Variants in KLRG1 observed in about 807,000 individuals in gnomAD.
KLRG1 encodes the protein killer cell lectin like receptor G1, also known as killer cell lectin-like receptor subfamily G member 1.
Under a neutral mutation model 21.8 loss-of-function variants are expected in KLRG1, and 16 were observed. That is an observed-to-expected ratio of 0.73 (90% confidence interval 0.50 to 1.11). The LOEUF (loss-of-function observed/expected upper bound fraction) is 1.11, where lower values mean the gene tolerates loss of function less well. KLRG1 is among the 50% of genes most tolerant of loss of function. The pLI is 0.00. For missense variants in KLRG1, 173 were observed against 218.3 expected, an observed-to-expected ratio of 0.79 and a Z score of 1.31; for synonymous variants, 69 against 75.9, an observed-to-expected ratio of 0.91 and a Z score of 0.47.
the KLRG1 span, among the ~76,000 whole-genome samples, chr12:9,104,869 A>G: frequency 6.6e-6 from 1 of 152,162 alleles, no homozygotes; most frequent in Non-Finnish European, 1.5e-5. Flanking sequence ...TTAACTTCCT[A>G]TAGATTAGTG....
At chr12:8,955,505 C>G (rs1946276962) in intron 1 of KLRG1, among the ~76,000 whole-genome samples, 1 of 126,008 alleles carries the variant, frequency 7.9e-6, no homozygotes, top group South Asian at 2.9e-4. Context: ...ATCCTCCCAG[C>G]TAGCCTGTGG....
the KLRG1 span, among the ~76,000 whole-genome samples, chr12:9,035,175 C>G: frequency 6.6e-6 from 1 of 152,084 alleles, no homozygotes; most frequent in South Asian, 2.1e-4. Flanking sequence ...GAACTTAAGA[C>G]AGAACTACCT....
the KLRG1 span, among the ~76,000 whole-genome samples, chr12:9,031,910 G>A: frequency 1.8e-3 from 274 of 152,314 alleles, 2 homozygotes; most frequent in African/African-American, 6.3e-3. Context: ...TAAAGCCAGC[G>A]GAAATGTATG....
At chr12:9,070,533 C>A in the KLRG1 span, 1 of 1,613,874 alleles carries the variant, frequency 6.2e-7, no homozygotes, top group Non-Finnish European at 8.5e-7. Flanking sequence ...AGACCATCTT[C>A]ACATCAACGA....
the KLRG1 span, among the ~76,000 whole-genome samples, chr12:9,056,942 C>A: frequency 6.6e-6 from 1 of 152,162 alleles, no homozygotes; most frequent in East Asian, 1.9e-4. Context: ...TTCTTAGGCT[C>A]TTCTTTATTT....
the KLRG1 span, among the ~76,000 whole-genome samples, chr12:9,078,869 T>G: frequency 6.6e-6 from 1 of 152,200 alleles, no homozygotes. Flanking sequence ...TCATTCCAAG[T>G]CAAGCTGAAT....
At chr12:9,181,909 G>T in the KLRG1 span, 1 of 1,533,172 alleles carries the variant, frequency 6.5e-7, no homozygotes, top group Non-Finnish European at 8.9e-7. Context: ...TTTCTCTGGG[G>T]TAAAATAGAT....
the KLRG1 span, among the ~76,000 whole-genome samples, chr12:9,170,515 A>G: frequency 6.6e-6 from 1 of 152,132 alleles, no homozygotes; most frequent in Non-Finnish European, 1.5e-5. The surrounding 1 kb of genome is among the most constrained non-coding windows in gnomAD (Gnocchi z 4.6). Context: ...CTTCCACAGC[A>G]CCTCACAGGT....
chr12:9,197,658 AAAATTATT>A, the KLRG1 span, among the ~76,000 whole-genome samples: 1 of 108,012 alleles, frequency 9.3e-6, no homozygotes, highest in African/African-American at 3.9e-5. Flanking sequence ...AATATAATAT[AAAATTATT>A]ATATATATTA....
At chr12:9,102,849 A>G in the KLRG1 span, among the ~76,000 whole-genome samples, 1 of 152,220 alleles carries the variant, frequency 6.6e-6, no homozygotes, top group Non-Finnish European at 1.5e-5. Context: ...TTCAAATTAG[A>G]GGGAGGTGCT....
intron 3 of KLRG1, among the ~76,000 whole-genome samples, chr12:9,001,177 A>T (rs1395258194): frequency 6.6e-6 from 1 of 152,190 alleles, no homozygotes; most frequent in African/African-American, 2.4e-5. Flanking sequence ...CAAGTGAAAC[A>T]TCTCTAAATT....
the KLRG1 span, among the ~76,000 whole-genome samples, chr12:9,147,356 A>G: frequency 6.6e-6 from 1 of 152,208 alleles, no homozygotes; most frequent in South Asian, 2.1e-4. Flanking sequence ...AGATGTGTGA[A>G]GTAACCCCTT....
chr12:9,165,302 G>C, the KLRG1 span: 1 of 1,614,120 alleles, frequency 6.2e-7, no homozygotes, highest in Admixed American at 1.7e-5. Context: ...CAGGCAGAAG[G>C]CCCCTGCCTT....
At chr12:8,985,531 A>G (rs745491402), upstream of KLRG1, among the ~76,000 whole-genome samples, 1 of 152,338 alleles carries the variant, frequency 6.6e-6, no homozygotes, top group African/African-American at 2.4e-5. Flanking sequence ...GACACCAGTC[A>G]CAAGTCTGGG....
At chr12:9,070,499 T>C in the KLRG1 span, 2 of 1,612,706 alleles carry the variant, frequency 1.2e-6, no homozygotes. Context: ...ATTTTCACTG[T>C]TGGCTTCAGG....
chr12:9,152,169 G>A, the KLRG1 span: 1 of 1,273,004 alleles, frequency 7.9e-7, no homozygotes, highest in South Asian at 1.2e-5. Context: ...TTAGTTTGGG[G>A]ATACAGAACA....
At chr12:9,005,978 C>T (rs1328015599) in intron 3 of KLRG1, among the ~76,000 whole-genome samples, 1 of 152,224 alleles carries the variant, frequency 6.6e-6, no homozygotes, top group African/African-American at 2.4e-5. Flanking sequence ...GGCCACAGAC[C>T]AGCACCTTGC....
At chr12:9,185,129 G>A in the KLRG1 span, among the ~76,000 whole-genome samples, 13 of 152,206 alleles carry the variant, frequency 8.5e-5, no homozygotes, top group Non-Finnish European at 1.3e-4. Context: ...AGGAATGAAG[G>A]TCATTGAGAT....
the KLRG1 span, among the ~76,000 whole-genome samples, chr12:9,088,956 T>C: frequency 6.6e-6 from 1 of 152,220 alleles, no homozygotes; most frequent in Non-Finnish European, 1.5e-5. Context: ...TACCATACAC[T>C]GGTCAGAAAG....
Sources: allele counts gnomAD v4.1 joint callset (sites outside exome capture counted in the v4.1 genomes callset), GRCh38; gene constraint gnomAD v4.1.1; non-coding constraint Gnocchi (gnomAD v3.1); transcripts MANE v1.5; gene names NCBI Gene and HGNC (gene_info 2026-07-23, HGNC 2026-07-21).